The following NCOA2 variants were observed in gnomAD, a reference collection of about 807,000 sequenced individuals.
NCOA2 encodes nuclear receptor coactivator 2.
A neutral mutation model predicts 145.1 loss-of-function variants in NCOA2; 21 were observed. That is an observed-to-expected ratio of 0.14 (90% CI 0.10 to 0.21). NCOA2 has a LOEUF of 0.21. Among genes scored for constraint, NCOA2 ranks in the 10% least tolerant of loss-of-function variants. The probability of loss-of-function intolerance (pLI) is 1.00; values close to 1 mark genes in which losing one functional copy is unlikely to be tolerated. For synonymous variants in NCOA2, 619 were observed against 637.5 expected (o/e 0.97, Z 0.44); for missense variants, 1,472 against 1,837.6 (o/e 0.80, Z 3.64).
the NCOA2 span, among the ~76,000 whole-genome samples, chr8:70,429,780 C>T: frequency 1.3e-5 from 2 of 152,302 alleles, no homozygotes; most frequent in Non-Finnish European, 2.9e-5. Context: ...GTGATTTGTA[C>T]ACTCAAAAAG....
intron 2 of NCOA2, among the ~76,000 whole-genome samples, chr8:70,226,777 CAT>C (rs1439191092): frequency 6.6e-6 from 1 of 151,632 alleles, no homozygotes; most frequent in African/African-American, 2.4e-5. Context: ...ATTAGCATAT[CAT>C]ATGTTCTTTA....
the NCOA2 span, among the ~76,000 whole-genome samples, chr8:70,449,919 T>C: frequency 4.6e-5 from 7 of 152,254 alleles, no homozygotes; most frequent in Non-Finnish European, 4.4e-5. Context: ...CAGTATGAAA[T>C]GCAACGAAGT....
intron 21 of NCOA2, 99 bp from the exon 22 acceptor site, chr8:70,121,490 G>A (rs1807812197): frequency 2.4e-6 from 2 of 843,906 alleles, no homozygotes; most frequent in Non-Finnish European, 3.9e-6. Flanking sequence ...TTTTAGGGGT[G>A]TAAAAACGGG....
intron 4 of NCOA2, among the ~76,000 whole-genome samples, chr8:70,195,803 T>C (rs1409381154): frequency 6.6e-6 from 1 of 152,158 alleles, no homozygotes; most frequent in Non-Finnish European, 1.5e-5. Context: ...TTCTTCCCAA[T>C]AGCTGCTTCA....
chr8:70,265,956 G>A (rs1253955095), intron 2 of NCOA2, among the ~76,000 whole-genome samples: 10 of 151,866 alleles, frequency 6.6e-5, no homozygotes, highest in Admixed American at 6.6e-4. Flanking sequence ...TGGCCAATAT[G>A]GTGTAACCCC....
chr8:70,286,824 G>T (rs567238448), intron 2 of NCOA2, among the ~76,000 whole-genome samples: 1 of 152,050 alleles, frequency 6.6e-6, no homozygotes, highest in Admixed American at 6.5e-5. Context: ...AACAAAACCC[G>T]GGGAAATCTG....
At chr8:70,275,533 T>G (rs1248558723) in intron 2 of NCOA2, among the ~76,000 whole-genome samples, 1 of 152,164 alleles carries the variant, frequency 6.6e-6, no homozygotes, top group African/African-American at 2.4e-5. Context: ...TTATTTTATA[T>G]GTAGGAATCT....
At chr8:70,219,893 T>A (rs1563640772) in intron 2 of NCOA2, among the ~76,000 whole-genome samples, 1 of 152,096 alleles carries the variant, frequency 6.6e-6, no homozygotes, top group East Asian at 1.9e-4. Context: ...TGGGGCCAGG[T>A]GAGTTCATTT....
chr8:70,110,492 G>C lies in NCOA2; in HGVS notation c.*3140C>G, dbSNP rs1806445997. Reference sequence around the variant, plus strand: ...CACTACAGTAATTTTCTTTTGTGCAGAGGATGCTTTGCTCTTAGGCAGCAT... The same window carrying C: ...CACTACAGTAATTTTCTTTTGTGCACAGGATGCTTTGCTCTTAGGCAGCAT... On this transcript the variant is annotated 3_prime_UTR_variant, in exon 23 of 23. Transcript: ENST00000452400. The C allele has an allele frequency of 1.0e-5, 2 of 198,954 alleles. No individual in the cohort carries two copies. Among genetic ancestry groups the C allele is most frequent in the African/African-American group, 4.6e-5 (2 of 43,436 alleles). 12.3% of individuals were successfully genotyped at this position (198,954 alleles called of 1,614,324 possible).
intron 4 of NCOA2, among the ~76,000 whole-genome samples, chr8:70,194,492 GA>G (rs1817054273): frequency 6.6e-6 from 1 of 152,114 alleles, no homozygotes; most frequent in Admixed American, 6.5e-5. Flanking sequence ...CACAAGTGAA[GA>G]TGGACAGATC....
At chr8:70,190,669 T>C (rs1816579662) in intron 4 of NCOA2, among the ~76,000 whole-genome samples, 2 of 152,126 alleles carry the variant, frequency 1.3e-5, no homozygotes, top group Non-Finnish European at 2.9e-5. Flanking sequence ...CTGGCCAACA[T>C]GGCAAAACCC....
chr8:70,335,378 G>A (rs57462399), intron 1 of NCOA2, among the ~76,000 whole-genome samples: 4,022 of 152,098 alleles, frequency 0.026, 166 homozygotes, highest in African/African-American at 0.092. Flanking sequence ...TTTGTCTACT[G>A]AAGCAACACA....
the NCOA2 span, among the ~76,000 whole-genome samples, chr8:70,417,070 C>T: frequency 2.0e-5 from 3 of 151,816 alleles, no homozygotes; most frequent in Non-Finnish European, 4.4e-5. Flanking sequence ...CAATTACAGC[C>T]TCATTTCTAT....
the NCOA2 span, among the ~76,000 whole-genome samples, chr8:70,421,469 G>T: frequency 6.6e-6 from 1 of 152,154 alleles, no homozygotes; most frequent in South Asian, 2.1e-4. Context: ...GAGGCAGGAG[G>T]ATTGCTTGAA....
At chr8:70,231,372 G>C (rs1228874822) in intron 2 of NCOA2, among the ~76,000 whole-genome samples, 3 of 152,178 alleles carry the variant, frequency 2.0e-5, no homozygotes, top group Non-Finnish European at 4.4e-5. Context: ...TATGCCATAG[G>C]TGCAATATGT....
intron 1 of NCOA2, among the ~76,000 whole-genome samples, chr8:70,335,122 CAAAAAAAAA>C (rs59460365): frequency 1.4e-4 from 4 of 29,466 alleles, no homozygotes; most frequent in Non-Finnish European, 2.6e-4. Flanking sequence ...GACTCCATCT[CAAAAAAAAA>C]AAAAAAAAAA....
intron 2 of NCOA2, among the ~76,000 whole-genome samples, chr8:70,290,092 A>AC (rs1826544674): frequency 6.6e-6 from 1 of 151,522 alleles, no homozygotes; most frequent in African/African-American, 2.4e-5. Flanking sequence ...GCTAAATGCT[A>AC]CCCCTACGTA....
rs1050285155 is a variant in NCOA2 at position 70,403,788 on chromosome 8, G to A, written c.-165C>T. On this transcript the variant is annotated 5_prime_UTR_variant, in exon 1 of 23. Coordinates refer to ENST00000452400, the MANE Select transcript of NCOA2 (RefSeq NM_006540.4). ...CTGTAGCCGAGGCTGCGGCCGCCAT[G>A]TTCCCGTGTTAATAACTGCTGCCTG... The A allele has an allele frequency of 3.0e-5, 12 of 397,766 alleles. No homozygotes were observed. Among genetic ancestry groups the A allele is most frequent in the Admixed American group, 8.8e-5 (2 of 22,684 alleles). 24.6% of individuals were successfully genotyped at this position (397,766 alleles called of 1,614,324 possible).
the NCOA2 span, among the ~76,000 whole-genome samples, chr8:70,443,821 C>T: frequency 6.6e-6 from 1 of 152,158 alleles, no homozygotes; most frequent in Non-Finnish European, 1.5e-5. Context: ...GTGATCCTCT[C>T]TTCTCTGCCT....
Sources: allele counts gnomAD v4.1 joint callset (sites outside exome capture counted in the v4.1 genomes callset), GRCh38; gene constraint gnomAD v4.1.1; transcripts MANE v1.5; gene names NCBI Gene and HGNC (gene_info 2026-07-23, HGNC 2026-07-21).